Variants in NRXN1 observed in about 807,000 individuals in gnomAD.
The protein encoded by NRXN1 is neurexin 1.
A neutral mutation model predicts 150.9 loss-of-function variants in NRXN1; 39 were observed. The ratio of observed to expected loss-of-function variants is 0.26; its 90% CI spans 0.20 to 0.34. The LOEUF (loss-of-function observed/expected upper bound fraction) is 0.34. NRXN1 is among the 10% of genes least tolerant of loss of function. The pLI, the probability that NRXN1 is intolerant of heterozygous loss-of-function variation, is 1.00. For missense variants in NRXN1, 1,815 were observed against 1,949.9 expected (o/e 0.93, Z 1.30); for synonymous variants, 924 against 757.0 (o/e 1.22, Z -3.62).
intron 18 of NRXN1, among the ~76,000 whole-genome samples, chr2:50,221,355 T>C (rs1228969312): frequency 6.6e-6 from 1 of 152,034 alleles, no homozygotes. Flanking sequence ...GCAAGTTGCA[T>C]CTGTTCAGCT....
At chr2:50,165,205 G>A (rs1342713533) in intron 18 of NRXN1, among the ~76,000 whole-genome samples, 1 of 152,144 alleles carries the variant, frequency 6.6e-6, no homozygotes, top group African/African-American at 2.4e-5. Flanking sequence ...ACGACAAGGT[G>A]GTCTAGATAA....
At position 51,020,927 on chromosome 2, in the gene NRXN1, C is replaced by T. The variant is rs188390091; in HGVS notation, c.772+6575G>A. Among the ~76,000 whole-genome samples, 257 of 151,964 alleles carry T rather than the reference C, an allele frequency of 1.7e-3. 1 individual carries two copies. The highest frequency in any genetic ancestry group is 5.9e-3 in the African/African-American group (243 of 41,500). On this transcript the variant is annotated intron_variant, in intron 2 of 22. Coordinates refer to ENST00000401669, the MANE Select transcript of NRXN1 (RefSeq NM_001330078.2). ...CATGCTCAGGAGAAAAAACAAAAAG[C>T]CTTGCAATTTTCTGAACAGCTCTAA... is the stretch of plus-strand genomic sequence containing the variant.
chr2:50,916,057 A>C (rs545735329), intron 5 of NRXN1, among the ~76,000 whole-genome samples: 1 of 145,930 alleles, frequency 6.9e-6, no homozygotes, highest in African/African-American at 2.5e-5. Context: ...TCTAGATAAA[A>C]ATCTGTGAAT....
At chr2:50,117,082 G>C (rs909871622) in intron 18 of NRXN1, among the ~76,000 whole-genome samples, 1 of 152,132 alleles carries the variant, frequency 6.6e-6, no homozygotes, top group South Asian at 2.1e-4. Flanking sequence ...GGGATAAAGG[G>C]AGAAGTAGAT....
chr2:50,850,974 A>G (rs2882927), intron 5 of NRXN1, among the ~76,000 whole-genome samples: 148,289 of 152,278 alleles, frequency 0.97, 72,238 homozygotes, highest in East Asian at 1. Context: ...GAAGCAGAGT[A>G]GAATGTTACC....
chr2:50,960,624 C>G (rs540239403), intron 2 of NRXN1, among the ~76,000 whole-genome samples: 2 of 151,922 alleles, frequency 1.3e-5, no homozygotes, highest in Middle Eastern at 6.8e-3. Context: ...ATTTCTAGAC[C>G]TTGCTTCCTC....
intron 5 of NRXN1, among the ~76,000 whole-genome samples, chr2:50,772,424 T>TA (rs945612098): frequency 4.7e-5 from 7 of 149,778 alleles, no homozygotes; most frequent in Admixed American, 1.3e-4. Context: ...TTGCCTTTCT[T>TA]AAAAAAAAAT....
At chr2:51,005,402 C>G (rs1653767536) in intron 2 of NRXN1, among the ~76,000 whole-genome samples, 1 of 151,944 alleles carries the variant, frequency 6.6e-6, no homozygotes, top group Non-Finnish European at 1.5e-5. Context: ...TCAGTTCAAA[C>G]CTTATCATTT....
At chr2:50,582,013 T>C (rs1672344496) in intron 8 of NRXN1, among the ~76,000 whole-genome samples, 1 of 152,180 alleles carries the variant, frequency 6.6e-6, no homozygotes, top group African/African-American at 2.4e-5. Context: ...ATGGCTTTTC[T>C]GACATAAATA....
At chr2:51,004,882 G>A (rs1303531453) in intron 2 of NRXN1, among the ~76,000 whole-genome samples, 1 of 151,568 alleles carries the variant, frequency 6.6e-6, no homozygotes, top group African/African-American at 2.4e-5. Context: ...TAGATCAAAG[G>A]AATGAAAAAA....
chr2:50,417,337 T>C (rs1193286328), intron 17 of NRXN1: 1 of 152,144 alleles, frequency 6.6e-6, no homozygotes, highest in Non-Finnish European at 1.5e-5. Flanking sequence ...TGTACTATTT[T>C]ATTGGGTACA....
intron 5 of NRXN1, among the ~76,000 whole-genome samples, chr2:50,730,672 CTT>C (rs56042523): frequency 8.2e-6 from 1 of 122,020 alleles, no homozygotes; most frequent in Non-Finnish European, 1.6e-5. Flanking sequence ...TTCTTGTTTT[CTT>C]TTTTTTTTTT....
chr2:50,682,544 G>C (rs568115285), intron 5 of NRXN1, among the ~76,000 whole-genome samples: 2 of 152,242 alleles, frequency 1.3e-5, no homozygotes, highest in East Asian at 3.9e-4. Context: ...ACGAAAGGTA[G>C]GGTAATATTT....
chr2:50,855,858 C>T (rs75882045), intron 5 of NRXN1, among the ~76,000 whole-genome samples: 13,791 of 151,964 alleles, frequency 0.091, 776 homozygotes, highest in Middle Eastern at 0.15. Flanking sequence ...TATAGTTGTA[C>T]TGAATACATC....
At chr2:50,773,199 C>T (rs773812133) in intron 5 of NRXN1, among the ~76,000 whole-genome samples, 3 of 152,116 alleles carry the variant, frequency 2.0e-5, no homozygotes, top group Admixed American at 6.6e-5. Context: ...TAGCACTACT[C>T]CCCAATCCAC....
intron 21 of NRXN1, among the ~76,000 whole-genome samples, chr2:49,997,896 C>G (rs975382169): frequency 1.3e-5 from 2 of 152,044 alleles, no homozygotes; most frequent in African/African-American, 2.4e-5. Context: ...GCAAGGAAGG[C>G]TTAAAGTGAG....
At chr2:50,304,233 A>C (rs1157339490) in intron 17 of NRXN1, among the ~76,000 whole-genome samples, 1 of 152,150 alleles carries the variant, frequency 6.6e-6, no homozygotes, top group Non-Finnish European at 1.5e-5. Context: ...GACAAACCCA[A>C]AATGTACCCA....
intron 5 of NRXN1, among the ~76,000 whole-genome samples, chr2:50,794,975 C>A (rs1485131315): frequency 6.6e-6 from 1 of 152,052 alleles, no homozygotes; most frequent in African/African-American, 2.4e-5. Flanking sequence ...GTCAAATAAA[C>A]CTAAAAGAAC....
At chr2:50,477,089 G>T (rs1473245376) in intron 15 of NRXN1, among the ~76,000 whole-genome samples, 1 of 152,068 alleles carries the variant, frequency 6.6e-6, no homozygotes, top group East Asian at 1.9e-4. Flanking sequence ...ACAGGGAACA[G>T]CACAATTGTA....
Sources: gnomAD v4.1 joint callset for allele counts (sites outside exome capture counted in the v4.1 genomes callset) on GRCh38, gnomAD v4.1.1 for gene constraint, MANE v1.5 for transcripts, NCBI Gene and HGNC (gene_info 2026-07-23, HGNC 2026-07-21) for gene names.